Variants in ERG observed in about 807,000 individuals in gnomAD.
The protein encoded by ERG is transcriptional regulator ERG.
In ERG, 9 loss-of-function variants were observed where a neutral mutation model predicts 55.3. The ratio of observed to expected loss-of-function variants is 0.16; its 90% CI spans 0.10 to 0.28. ERG has a LOEUF of 0.28. ERG is among the 10% of genes least tolerant of loss of function. ERG has a pLI of 1.00. For synonymous variants in ERG, 223 were observed against 237.3 expected (o/e 0.94, Z 0.55); for missense variants, 434 against 631.6 (o/e 0.69, Z 3.35).
intron 1 of ERG, among the ~76,000 whole-genome samples, chr21:38,599,509 C>G (rs1312343787): frequency 6.6e-6 from 1 of 152,162 alleles, no homozygotes; most frequent in Non-Finnish European, 1.5e-5. Context: ...CATTAATAGC[C>G]CTTGTTGTCC....
chr21:38,368,599 T>C, the ERG span, among the ~76,000 whole-genome samples: 2 of 152,340 alleles, frequency 1.3e-5, no homozygotes, highest in African/African-American at 2.4e-5. Context: ...AGATCCAAAC[T>C]GTATCAGACT....
chr21:38,636,748 T>C (rs2060391628), intron 1 of ERG, among the ~76,000 whole-genome samples: 1 of 152,172 alleles, frequency 6.6e-6, no homozygotes, highest in Non-Finnish European at 1.5e-5. Context: ...TTCCCAACCC[T>C]GCGGCCCACA....
upstream of ERG, among the ~76,000 whole-genome samples, chr21:38,498,829 T>G (rs1455962051): frequency 1.3e-5 from 2 of 152,154 alleles, no homozygotes; most frequent in Non-Finnish European, 2.9e-5. The surrounding 1 kb of genome is among the most constrained non-coding windows in gnomAD (Gnocchi z 4.6). Context: ...CCCACTGCCC[T>G]GGGTGTCAGC....
chr21:38,635,711 T>C (rs2060384152), intron 1 of ERG, among the ~76,000 whole-genome samples: 1 of 152,184 alleles, frequency 6.6e-6, no homozygotes, highest in African/African-American at 2.4e-5. Flanking sequence ...CTTTTCTGTG[T>C]TTAGGTAAGG....
intron 2 of ERG, among the ~76,000 whole-genome samples, chr21:38,504,715 C>G (rs1168767532): frequency 2.0e-5 from 3 of 152,242 alleles, no homozygotes; most frequent in Non-Finnish European, 2.9e-5. Flanking sequence ...CTACCCCCGA[C>G]TCAGATCCAA....
chr21:38,387,384 G>A (rs1428110887), intron 9 of ERG, among the ~76,000 whole-genome samples: 1 of 152,182 alleles, frequency 6.6e-6, no homozygotes, highest in Non-Finnish European at 1.5e-5. Context: ...GGCTCAGTGA[G>A]GCTCAGGCAC....
chr21:38,531,058 C>G (rs1455080176), intron 2 of ERG, among the ~76,000 whole-genome samples: 1 of 152,068 alleles, frequency 6.6e-6, no homozygotes, highest in East Asian at 1.9e-4. Flanking sequence ...GGGTGGTGGG[C>G]AGGGAGAGCA....
chr21:38,589,818 C>T (rs989075597), upstream of ERG, among the ~76,000 whole-genome samples: 1 of 152,154 alleles, frequency 6.6e-6, no homozygotes, highest in East Asian at 1.9e-4. Flanking sequence ...CATGGCAGGG[C>T]AGCTAGGCAC....
At chr21:38,485,790 A>G (rs528883971) in intron 1 of ERG, among the ~76,000 whole-genome samples, 29 of 151,778 alleles carry the variant, frequency 1.9e-4, no homozygotes, top group Non-Finnish European at 2.9e-4. Flanking sequence ...ACAGTAGTAG[A>G]TAGTGATGTC....
chr21:38,623,716 C>A (rs2060307476), intron 1 of ERG, among the ~76,000 whole-genome samples: 1 of 152,170 alleles, frequency 6.6e-6, no homozygotes, highest in South Asian at 2.1e-4. Flanking sequence ...GCACTGACAG[C>A]AAACATGTAA....
chr21:38,429,746 T>TACACAC (rs148029371), intron 2 of ERG, among the ~76,000 whole-genome samples: 2 of 107,854 alleles, frequency 1.9e-5, no homozygotes, highest in African/African-American at 3.5e-5. Context: ...TATATATATA[T>TACACAC]ACACACACAC....
chr21:38,371,347 A>G, the ERG span, among the ~76,000 whole-genome samples: 3 of 152,008 alleles, frequency 2.0e-5, no homozygotes, highest in Non-Finnish European at 4.4e-5. Context: ...ATAATAATAG[A>G]TTTGTTTCAT....
intron 1 of ERG, among the ~76,000 whole-genome samples, chr21:38,480,849 T>C (rs1236152225): frequency 2.6e-5 from 4 of 152,136 alleles, no homozygotes; most frequent in African/African-American, 7.2e-5. Context: ...AAATCATCAC[T>C]TGGGAGGTGT....
In ERG at chr21:38,380,406, G is replaced by A; in HGVS notation, c.*2997C>T. ...CCGGGACATAAGGGCATCAAACTAG[G>A]AACAAAAACACAGTCTTGACTGTGA... On this transcript the variant is annotated 3_prime_UTR_variant, in exon 10 of 10. Coordinates refer to ENST00000288319, the MANE Select transcript of ERG (RefSeq NM_182918.4). 9.4e-7 allele frequency: 1 copy of A among 1,062,530 alleles called. No homozygotes were observed. The allele number at this position is 1,062,530 out of a possible 1,614,324, so 65.8% of individuals were successfully genotyped here.
At chr21:38,402,530 G>C (rs754070860) in intron 5 of ERG, 27 bp downstream of exon 5, 1 of 1,582,394 alleles carries the variant, frequency 6.3e-7, no homozygotes, top group Non-Finnish European at 8.7e-7. Context: ...CGCTCTTGCT[G>C]GGAGGCAGGG....
chr21:38,402,954 C>T (rs1290753756), intron 4 of ERG, among the ~76,000 whole-genome samples: 2 of 152,144 alleles, frequency 1.3e-5, no homozygotes, highest in Non-Finnish European at 2.9e-5. Context: ...CCATGCTGGA[C>T]GTTGTAGAAA....
rs556272542 is a variant in ERG, at chr21:38,593,492, C to T, written c.-149-8547G>A. On this transcript the variant is annotated intron_variant, in intron 1 of 10. Coordinates refer to the ERG transcript ENST00000398910. ...CACAATATATCTTTGAGAACACAAT[C>T]TTGAAGTCTGTTTTAGAGGCAAATT... is the stretch of plus-strand genomic sequence containing the variant. Among the ~76,000 whole-genome samples, 51 of 152,278 alleles carry T rather than the reference C, an allele frequency of 3.3e-4. No homozygotes were observed. The South Asian group carries it at 0.011, about 32-fold the overall frequency.
Position 38,391,693 on chromosome 21 carries a change from T to C in ERG, c.837A>G (p.Thr279=), listed in dbSNP as rs763950273. The C allele has an allele frequency of 6.2e-7, 1 of 1,613,988 alleles. No homozygotes were observed. Among genetic ancestry groups the C allele is most frequent in the Non-Finnish European group, 8.5e-7 (1 of 1,179,972 alleles). ...GACGCTGGTCTTCAGTTTTGGGCAC[T>C]GTGGAAGGAGATGGTTGAGCAGCTG... ...QSKAAQPSPS[T]VPKTEDQRPQ... is the part of the protein sequence containing the mutation. Residue 279 remains threonine, a synonymous_variant, in exon 8 of 10, where the codon ACA becomes ACG. Coordinates refer to ENST00000288319, the MANE Select transcript of ERG (RefSeq NM_182918.4).
chr21:38,599,631 C>T (rs1047105839), intron 1 of ERG, among the ~76,000 whole-genome samples: 6 of 152,292 alleles, frequency 3.9e-5, no homozygotes, highest in Non-Finnish European at 5.9e-5. Flanking sequence ...GAGGCGTTTC[C>T]GATGCTAACA....
Sources: allele counts gnomAD v4.1 joint callset (sites outside exome capture counted in the v4.1 genomes callset), GRCh38; gene constraint gnomAD v4.1.1; non-coding constraint Gnocchi (gnomAD v3.1); transcripts MANE v1.5; gene names NCBI Gene and HGNC (gene_info 2026-07-23, HGNC 2026-07-21).